The following SLC9B1 variants were observed in gnomAD, a reference collection of about 807,000 sequenced individuals.
SLC9B1 encodes the protein solute carrier family 9 member B1, also known as sodium/hydrogen exchanger 9B1.
A neutral mutation model predicts 51.7 loss-of-function variants in SLC9B1; 32 were observed. The observed-to-expected ratio is 0.62, with a 90% CI of 0.47 to 0.83. The LOEUF is 0.83. SLC9B1 is among the 40% of genes least tolerant of loss of function. SLC9B1 has a pLI of 0.00. For synonymous variants in SLC9B1, 145 were observed against 212.7 expected (o/e 0.68, Z 2.77); for missense variants, 406 against 613.2 (o/e 0.66, Z 3.57).
At chr4:103,010,775 T>C (rs1348848153) in intron 1 of SLC9B1, among the ~76,000 whole-genome samples, 1 of 152,168 alleles carries the variant, frequency 6.6e-6, no homozygotes, top group Admixed American at 6.5e-5. Flanking sequence ...CATTAATCCA[T>C]TTATGAGGGC....
At chr4:102,993,949 A>T (rs918572791) in intron 1 of SLC9B1, among the ~76,000 whole-genome samples, 1 of 152,162 alleles carries the variant, frequency 6.6e-6, no homozygotes, top group Non-Finnish European at 1.5e-5. Flanking sequence ...GGCTGCATAG[A>T]GCAGGGTGAC....
chr4:102,921,136 A>G (rs958715684), intron 7 of SLC9B1, among the ~76,000 whole-genome samples: 3 of 152,218 alleles, frequency 2.0e-5, no homozygotes, highest in Non-Finnish European at 2.9e-5. Flanking sequence ...GAAATGAAGG[A>G]AAAAGTGTTA....
intron 3 of SLC9B1, among the ~76,000 whole-genome samples, chr4:102,965,248 T>C (rs1424656459): frequency 1.3e-5 from 2 of 152,236 alleles, no homozygotes; most frequent in African/African-American, 4.8e-5. Flanking sequence ...ATTTAGCTCA[T>C]GTTTCTCCAG....
chr4:102,956,424 A>T (rs921296524), intron 3 of SLC9B1, among the ~76,000 whole-genome samples: 2 of 152,172 alleles, frequency 1.3e-5, no homozygotes, highest in African/African-American at 4.8e-5. Flanking sequence ...TGCAGGAAAG[A>T]CTCAAGAGAG....
At chr4:102,970,145 A>G (rs542274361) in intron 3 of SLC9B1, among the ~76,000 whole-genome samples, 1 of 152,324 alleles carries the variant, frequency 6.6e-6, no homozygotes, top group South Asian at 2.1e-4. Context: ...AAACATCACA[A>G]AGATACTCCT....
intron 7 of SLC9B1, among the ~76,000 whole-genome samples, chr4:102,930,830 C>T (rs1267900135): frequency 6.6e-6 from 1 of 152,130 alleles, no homozygotes; most frequent in East Asian, 1.9e-4. Flanking sequence ...ATTGAATACT[C>T]TTTCATTAAG....
chr4:102,921,721 C>T (rs1455778415), intron 7 of SLC9B1, among the ~76,000 whole-genome samples: 1 of 152,066 alleles, frequency 6.6e-6, no homozygotes, highest in Admixed American at 6.5e-5. Context: ...GGAAGATCTA[C>T]CAAACAAATG....
At chr4:102,988,759 C>A (rs1303983132) in intron 3 of SLC9B1, among the ~76,000 whole-genome samples, 1 of 151,940 alleles carries the variant, frequency 6.6e-6, no homozygotes, top group Admixed American at 6.6e-5. Flanking sequence ...ACTGCAAAAT[C>A]AAAAATGAAA....
chr4:102,946,748 T>C lies in SLC9B1; in HGVS notation c.424A>G (p.Ile142Val), dbSNP rs1226286732. The change falls in exon 5 of 12, where the codon ATC becomes GTC. Residue 142 changes from isoleucine (I) to valine (V), a missense_variant. This residue lies in a region of SLC9B1 where 250 missense variants were observed against 394.1 expected (regional missense o/e 0.63). Coordinates refer to ENST00000296422, the MANE Select transcript of SLC9B1 (RefSeq NM_139173.4). ...AGFTIRNVPF[I>V]NEHVHVPNTW... is the part of the protein sequence containing the mutation. ...TTAGGAACATGGACATGTTCATTGA[T>C]GAATGGAACATTCCTAATCGTAAAA... 6.2e-7 allele frequency: 1 copy of C among 1,609,146 alleles called. No individual in the cohort carries two copies. Among genetic ancestry groups the C allele is most frequent in the Non-Finnish European group, 8.5e-7 (1 of 1,178,784 alleles).
intron 7 of SLC9B1, among the ~76,000 whole-genome samples, chr4:102,923,162 A>T (rs1735971764): frequency 1.3e-5 from 2 of 152,222 alleles, no homozygotes; most frequent in African/African-American, 2.4e-5. Flanking sequence ...AAAAATCCTC[A>T]ATAAGATACT....
chr4:102,960,961 A>T (rs963300325), intron 3 of SLC9B1, among the ~76,000 whole-genome samples: 4 of 151,700 alleles, frequency 2.6e-5, no homozygotes, highest in African/African-American at 9.7e-5. Context: ...TGAACTCCCG[A>T]CCTCAGGTGA....
At chr4:103,012,689 C>T (rs1343425594) in intron 1 of SLC9B1, among the ~76,000 whole-genome samples, 4 of 152,182 alleles carry the variant, frequency 2.6e-5, no homozygotes, top group South Asian at 2.1e-4. Flanking sequence ...ATAACAGAAA[C>T]CTACTTTCTC....
intron 1 of SLC9B1, 138 bp from the exon 2 acceptor site, chr4:102,991,850 T>A: frequency 1.8e-6 from 1 of 560,226 alleles, no homozygotes; most frequent in Non-Finnish European, 3.1e-6. Context: ...CAGATATCTT[T>A]ATAGTCAACA....
Position 102,991,580 on chromosome 4 carries a change from G to T in SLC9B1, c.69+63C>A. On this transcript the variant is annotated intron_variant, in intron 2 of 11. Transcript: ENST00000296422. ...GAAACCTATCTAATAAGTAAATTAG[G>T]AATAAATTTTAAGATCAGGTTGATT... 5.4e-6 allele frequency: 6 copies of T among 1,104,602 alleles called. No homozygotes were observed. The South Asian group carries it at 6.9e-5, about 13-fold the overall frequency. 68.4% of individuals were successfully genotyped at this position (1,104,602 alleles called of 1,614,324 possible). A position where few individuals can be genotyped will look rare whatever the true frequency, so the allele number is the denominator to read the frequency against.
chr4:102,967,100 C>T (rs941658349), intron 3 of SLC9B1, among the ~76,000 whole-genome samples: 2 of 152,338 alleles, frequency 1.3e-5, no homozygotes, highest in African/African-American at 4.8e-5. Flanking sequence ...TATCTGAGAT[C>T]TCATTAGAAT....
intron 1 of SLC9B1, among the ~76,000 whole-genome samples, chr4:103,000,972 C>T (rs1560527241): frequency 6.6e-6 from 1 of 152,224 alleles, no homozygotes; most frequent in Non-Finnish European, 1.5e-5. Context: ...AGGCTCCACC[C>T]CTGTACCAAA....
intron 7 of SLC9B1, among the ~76,000 whole-genome samples, chr4:102,912,318 C>G (rs967128731): frequency 9.2e-5 from 14 of 151,860 alleles, no homozygotes; most frequent in African/African-American, 3.4e-4. Context: ...AAATTTTGTT[C>G]CAGGGTCAGT....
At chr4:102,991,893 C>G (rs572517896) in intron 1 of SLC9B1, among the ~76,000 whole-genome samples, 181 bp from the exon 2 acceptor site, 1 of 152,122 alleles carries the variant, frequency 6.6e-6, no homozygotes, top group Admixed American at 6.5e-5. Flanking sequence ...ACATTATTAA[C>G]CAAAGCCATA....
intron 7 of SLC9B1, among the ~76,000 whole-genome samples, chr4:102,921,477 T>C (rs1384252397): frequency 6.6e-6 from 1 of 152,136 alleles, no homozygotes; most frequent in East Asian, 1.9e-4. Context: ...GTAAAGACCA[T>C]CAATGCTAGG....
Sources: allele counts gnomAD v4.1 joint callset (sites outside exome capture counted in the v4.1 genomes callset), GRCh38; gene constraint gnomAD v4.1.1; regional missense constraint gnomAD v4.1.1; transcripts MANE v1.5; gene names NCBI Gene and HGNC (gene_info 2026-07-23, HGNC 2026-07-21).